The following ZBTB48 variants were observed in gnomAD, a reference collection of about 807,000 sequenced individuals.
ZBTB48 encodes the protein zinc finger and BTB domain containing 48.
A neutral mutation model predicts 64.5 loss-of-function variants in ZBTB48; 35 were observed. The ratio of observed to expected loss-of-function variants is 0.54; its 90% CI spans 0.41 to 0.72. The LOEUF (loss-of-function observed/expected upper bound fraction) is 0.72, where lower values mean the gene tolerates loss of function less well. ZBTB48 is among the 30% of genes least tolerant of loss of function. The pLI, the probability that ZBTB48 is intolerant of heterozygous loss-of-function variation, is 0.00. For missense variants in ZBTB48, 828 were observed against 895.3 expected, an observed-to-expected ratio of 0.92 and a Z score of 0.96; for synonymous variants, 442 against 356.7, an observed-to-expected ratio of 1.24 and a Z score of -2.70.
chr1:6,581,114 A>T lies in ZBTB48; in HGVS notation c.505A>T (p.Ser169Cys). Residue 169 changes from serine (S) to cysteine (C), a missense_variant, in exon 2 of 11, where the codon AGT becomes TGT. Coordinates refer to ENST00000377674, the MANE Select transcript of ZBTB48 (RefSeq NM_005341.4). ...LVPRDQEPRG[S>C]HSPQRPQLHS... ...CCCCAGGGATCAGGAGCCCAGAGGC[A>T]GTCATAGTCCTCAGAGGCCCCAGCT... 1 of 1,613,134 alleles carries T rather than the reference A, an allele frequency of 6.2e-7. No homozygotes were observed. The highest frequency in any genetic ancestry group is 1.1e-5 in the South Asian group (1 of 91,058).
At position 6,587,489 on chromosome 1, in the gene ZBTB48, T is replaced by C; in HGVS notation, c.1236T>C (p.Cys412=). Residue 412 remains cysteine, a synonymous_variant, in exon 7 of 11, where the codon TGT becomes TGC. Transcript: ENST00000377674. ...TGGTCTGCCTGCAGTGCCCCACCTG[T>C]GCCAAGTGCTTCCTGTCTCGGACAG... ...GAPKPHACPT[C]AKCFLSRTEL... The C allele has an allele frequency of 6.2e-7, 1 of 1,613,908 alleles. No homozygotes were observed.
intron 9 of ZBTB48, 66 bp downstream of exon 9, chr1:6,588,508 A>G: frequency 6.9e-7 from 1 of 1,455,810 alleles, no homozygotes; most frequent in African/African-American, 1.4e-5. Flanking sequence ...TGAGGAGGAA[A>G]CGCTCCTTTC....
chr1:6,581,433 G>C, intron 2 of ZBTB48, 134 bp downstream of exon 2: 1 of 1,002,988 alleles, frequency 1.0e-6, no homozygotes, highest in South Asian at 1.9e-5. Flanking sequence ...AGGCCAAGGG[G>C]GGTGGATCAC....
At position 6,588,427 on chromosome 1, in the gene ZBTB48, G is replaced by T. The variant is rs1394748860; in HGVS notation, c.1666G>T (p.Gly556Cys). The stretch of plus-strand genomic sequence containing the variant: ...CCGGCCCCACTTCTGCCAGATATGC[G>T]GCAAGACCTTCAAAGGTACCTGGGC... ...EGRPHFCQIC[G>C]KTFKAVEQLR... The change falls in exon 9 of 11, where the codon GGC (glycine) becomes TGC (cysteine). Residue 556 changes from glycine (G) to cysteine (C), a missense_variant. By Grantham distance (159) the Gly-to-Cys change is radical. Transcript: ENST00000377674. 1 of 1,550,176 alleles carries T rather than the reference G, an allele frequency of 6.5e-7. No homozygotes were observed. Among genetic ancestry groups the T allele is most frequent in the South Asian group, 1.2e-5 (1 of 82,788 alleles).
In ZBTB48 at chr1:6,580,541, G is replaced by T; in HGVS notation, c.-69G>T. 1 of 1,500,332 alleles carries T rather than the reference G, an allele frequency of 6.7e-7. No homozygotes were observed. Among genetic ancestry groups the T allele is most frequent in the South Asian group, 1.3e-5 (1 of 79,756 alleles). The allele number at this position is 1,500,332 out of a possible 1,614,324, so 92.9% of individuals were successfully genotyped here. On this transcript the variant is annotated splice_region_variant and 5_prime_UTR_variant, in exon 2 of 11. Coordinates refer to ENST00000377674, the MANE Select transcript of ZBTB48 (RefSeq NM_005341.4). This position sits in a 1 kb window ranked among gnomAD's most constrained non-coding sequence, Gnocchi z 5.2. Reference sequence around the variant, plus strand: ...TCCCGTTTCTCTCTCTTGACTCCAGGAGCTTTCTCTTGCATACCCTCGCTT... The same window carrying T: ...TCCCGTTTCTCTCTCTTGACTCCAGTAGCTTTCTCTTGCATACCCTCGCTT...
At chr1:6,581,372 C>T (rs1322538623) in intron 2 of ZBTB48, 73 bp downstream of exon 2, 4 of 1,438,706 alleles carry the variant, frequency 2.8e-6, no homozygotes, top group Admixed American at 2.6e-5. Flanking sequence ...TAATAGGGAC[C>T]CTGGGCTGGG....
At chr1:6,582,696 A>T (rs1640515064) in intron 3 of ZBTB48, among the ~76,000 whole-genome samples, 1 of 152,224 alleles carries the variant, frequency 6.6e-6, no homozygotes, top group South Asian at 2.1e-4. Context: ...TTTGGGCCAC[A>T]GTGCCAAGCC....
chr1:6,581,007 C>T lies in ZBTB48; in HGVS notation c.398C>T (p.Pro133Leu). The T allele has an allele frequency of 5.0e-6, 8 of 1,613,430 alleles. No individual in the cohort carries two copies. Among genetic ancestry groups the T allele is most frequent in the Non-Finnish European group, 5.9e-6 (7 of 1,180,018 alleles). Residue 133 changes from proline (P) to leucine (L), a missense_variant, in exon 2 of 11, where the codon CCT becomes CTT. Physicochemically the swap from Pro to Leu is moderately conservative, Grantham distance 98 (BLOSUM62 -3). Coordinates refer to ENST00000377674, the MANE Select transcript of ZBTB48 (RefSeq NM_005341.4). ...GGTGGCCAGAGTGGGCTGGGGCCCC[C>T]TGCCTCCCAGAATGTGAACAGCCAC... ...AAGGQSGLGPPASQNVNSHVK... is the reference protein window; with the variant it reads ...AAGGQSGLGPLASQNVNSHVK...
Position 6,584,853 on chromosome 1 carries a change from G to A in ZBTB48, c.933-1066G>A, listed in dbSNP as rs191785328. Among the ~76,000 whole-genome samples the A allele has an allele frequency of 6.6e-6, 1 of 152,318 alleles. No individual in the cohort carries two copies. Among genetic ancestry groups the A allele is most frequent in the East Asian group, 1.9e-4 (1 of 5,188 alleles). On this transcript the variant is annotated intron_variant, in intron 3 of 10. Coordinates refer to ENST00000377674, the MANE Select transcript of ZBTB48 (RefSeq NM_005341.4). The surrounding 1 kb of genome is among the most constrained non-coding windows in gnomAD (Gnocchi z 4.5). Reference sequence around the variant, plus strand: ...TGGAAGGTGGGAGGAGCTGTCGCAGGCTGCACAGGGGCTCTGAGGTCGAGT... The same window carrying A: ...TGGAAGGTGGGAGGAGCTGTCGCAGACTGCACAGGGGCTCTGAGGTCGAGT...
At chr1:6,588,589 T>A (rs1640765009) in intron 9 of ZBTB48, 147 bp downstream of exon 9, 3 of 1,437,260 alleles carry the variant, frequency 2.1e-6, no homozygotes, top group African/African-American at 1.4e-5. Context: ...GGCAGGGGTG[T>A]CCTGTGCAGT....
In ZBTB48 at chr1:6,588,182, C is replaced by G. The variant is rs1324610669; in HGVS notation, c.1502C>G (p.Thr501Ser). The G allele has an allele frequency of 6.2e-7, 1 of 1,614,008 alleles. No individual in the cohort carries two copies. The highest frequency in any genetic ancestry group is 8.5e-7 in the Non-Finnish European group (1 of 1,180,046). ...TTCCAGTGCCACCTCTGTGGCAAGACCTTCCGAACCCAAGGTGAGGTACGC... is the reference window on the plus strand; with the variant it reads ...TTCCAGTGCCACCTCTGTGGCAAGAGCTTCCGAACCCAAGGTGAGGTACGC... Reference protein sequence around the residue: ...KPFQCHLCGKTFRTQASLDKH... With the variant: ...KPFQCHLCGKSFRTQASLDKH... The change falls in exon 8 of 11, where the codon ACC becomes AGC. Residue 501 changes from threonine (T) to serine (S), a missense_variant. Coordinates refer to ENST00000377674, the MANE Select transcript of ZBTB48 (RefSeq NM_005341.4).
intron 3 of ZBTB48, among the ~76,000 whole-genome samples, chr1:6,582,533 CT>C (rs1415060399): frequency 6.6e-6 from 1 of 152,200 alleles, no homozygotes; most frequent in African/African-American, 2.4e-5. Context: ...TTGTGTACAT[CT>C]TGTCAACAGG....
At chr1:6,586,478 AGTCT>A (rs764947063) in intron 4 of ZBTB48, 54 of 984,420 alleles carry the variant, frequency 5.5e-5, no homozygotes, top group African/African-American at 8.2e-5. Flanking sequence ...CCCTGCCCCC[AGTCT>A]GTCTGGGCCT....
At position 6,581,140 on chromosome 1, in the gene ZBTB48, C is replaced by G. The variant is rs1334726218; in HGVS notation, c.531C>G (p.Leu177=). The G allele has an allele frequency of 1.2e-6, 2 of 1,613,462 alleles. No individual in the cohort carries two copies. Among genetic ancestry groups the G allele is most frequent in the Admixed American group, 1.7e-5 (1 of 60,022 alleles). Residue 177 remains leucine (L), a synonymous_variant, in exon 2 of 11, where the codon CTC becomes CTG. Coordinates refer to ENST00000377674, the MANE Select transcript of ZBTB48 (RefSeq NM_005341.4). ...GTCATAGTCCTCAGAGGCCCCAGCT[C>G]CATTCCCCAGCTCAGAGTGAGGGCC... The part of the protein sequence containing the change: ...RGSHSPQRPQ[L]HSPAQSEGPS...
At chr1:6,586,128 G>A in intron 4 of ZBTB48, 98 bp downstream of exon 4, 2 of 1,244,390 alleles carry the variant, frequency 1.6e-6, no homozygotes, top group Non-Finnish European at 2.3e-6. Flanking sequence ...TCTGAGAGGG[G>A]TACTGTAAAC....
At chr1:6,586,184 G>A (rs1640660371) in intron 4 of ZBTB48, 154 bp downstream of exon 4, 1 of 734,024 alleles carries the variant, frequency 1.4e-6, no homozygotes, top group Non-Finnish European at 2.3e-6. Context: ...TCCATGCCCT[G>A]GTACAGGTGG....
chr1:6,580,412 G>T lies in ZBTB48; in HGVS notation c.-69-129G>T. 1 of 502,570 alleles carries T rather than the reference G, an allele frequency of 2.0e-6. No homozygotes were observed. The highest frequency in any genetic ancestry group is 3.8e-5 in the Admixed American group (1 of 26,296). 31.1% of individuals were successfully genotyped at this position (502,570 alleles called of 1,614,324 possible). On this transcript the variant is annotated intron_variant, in intron 1 of 10. Coordinates refer to ENST00000377674, the MANE Select transcript of ZBTB48 (RefSeq NM_005341.4). This position sits in a 1 kb window ranked among gnomAD's most constrained non-coding sequence, Gnocchi z 5.2. ...CCCTGGCCAATCCAATATGGCCCCC[G>T]GCCCCCGGGAGGCTGTCAGTGTGTT... is the stretch of plus-strand genomic sequence containing the variant.
rs1157606672 is a variant in ZBTB48, at chr1:6,580,851, A to G, written c.242A>G (p.Tyr81Cys). The G allele has an allele frequency of 1.2e-6, 2 of 1,614,110 alleles. No individual in the cohort carries two copies. ...EIFGLLLDFF[Y>C]TGHLALTSGN... Reference sequence around the variant, plus strand: ...TTTGGCCTCTTGTTGGACTTTTTCTACACTGGTCACCTCGCTCTCACCTCA... The same window carrying G: ...TTTGGCCTCTTGTTGGACTTTTTCTGCACTGGTCACCTCGCTCTCACCTCA... Residue 81 changes from tyrosine to cysteine, a missense_variant, in exon 2 of 11, where the codon TAC becomes TGC. Coordinates refer to ENST00000377674, the MANE Select transcript of ZBTB48 (RefSeq NM_005341.4). This position sits in a 1 kb window ranked among gnomAD's most constrained non-coding sequence, Gnocchi z 5.2.
At chr1:6,581,579 A>G (rs1484719251) in intron 2 of ZBTB48, among the ~76,000 whole-genome samples, 1 of 151,754 alleles carries the variant, frequency 6.6e-6, no homozygotes, top group African/African-American at 2.4e-5. Context: ...TGGGAGGATC[A>G]CTTGAGCCCA....
Sources: allele counts gnomAD v4.1 joint callset (sites outside exome capture counted in the v4.1 genomes callset), GRCh38; gene constraint gnomAD v4.1.1; non-coding constraint Gnocchi (gnomAD v3.1); transcripts MANE v1.5; gene names NCBI Gene and HGNC (gene_info 2026-07-23, HGNC 2026-07-21).